Variants in KDM6A observed in about 807,000 individuals in gnomAD.
The protein encoded by KDM6A is lysine demethylase 6A, also known as lysine-specific demethylase 6A.
KDM6A carries 11 observed loss-of-function variants against 117.6 expected under a neutral mutation model. That is an observed-to-expected ratio of 0.09 (90% CI 0.06 to 0.15). KDM6A has a LOEUF of 0.15. KDM6A is among the 10% of genes least tolerant of loss of function. The pLI is 1.00. For synonymous variants in KDM6A, 384 were observed against 396.1 expected, an observed-to-expected ratio of 0.97 and a Z score of 0.36; for missense variants, 799 against 1,077.3, an observed-to-expected ratio of 0.74 and a Z score of 3.62.
chrX:45,049,247 C>G (rs1014913348), intron 8 of KDM6A, among the ~76,000 whole-genome samples: 1 of 111,975 alleles, frequency 8.9e-6, no homozygotes, highest in Admixed American at 9.4e-5. Flanking sequence ...GTTCTGATTT[C>G]TAGAGGAGTA....
At chrX:45,035,685 A>AATTATT (rs59024398) in intron 7 of KDM6A, among the ~76,000 whole-genome samples, 1 of 108,600 alleles carries the variant, frequency 9.2e-6, no homozygotes, top group Non-Finnish European at 1.9e-5. Context: ...TTGAAAAATA[A>AATTATT]ATTATTATTA....
Position 45,083,465 on chromosome X carries a change from A to G in KDM6A, c.3446A>G (p.Lys1149Arg), listed in dbSNP as rs1446396167. Residue 1149 changes from lysine (K) to arginine (R), a missense_variant, in exon 24 of 30, where the codon AAG (lysine) becomes AGG (arginine). This residue lies in a region of KDM6A where 291 missense variants were observed against 437.9 expected (regional missense o/e 0.66). Transcript: ENST00000611820. Reference sequence around the variant, plus strand: ...GATGTGTTATTTTATTGCAGGTGGAAGTTGCAGCTACATGAGCTGACTAAA... The same window carrying G: ...GATGTGTTATTTTATTGCAGGTGGAGGTTGCAGCTACATGAGCTGACTAAA... ...NIDLSDDKKW[K>R]LQLHELTKLP... 7 of 1,209,119 alleles carry G rather than the reference A, an allele frequency of 5.8e-6. No homozygotes were observed. Among genetic ancestry groups the G allele is most frequent in the Non-Finnish European group, 7.8e-6 (7 of 893,381 alleles).
intron 2 of KDM6A, among the ~76,000 whole-genome samples, chrX:44,941,403 C>T (rs1427030487): frequency 9.0e-6 from 1 of 110,598 alleles, no homozygotes; most frequent in Non-Finnish European, 1.9e-5. Context: ...TACTTCTGCC[C>T]TTTTCTTAGG....
chrX:45,048,992 A>C (rs933901856), intron 8 of KDM6A, among the ~76,000 whole-genome samples: 5 of 110,777 alleles, frequency 4.5e-5, no homozygotes, highest in African/African-American at 1.7e-4. Flanking sequence ...TTGCCCCCCA[A>C]CTTCTCCATA....
chrX:45,070,463 G>A, intron 18 of KDM6A, 106 bp downstream of exon 18: 1 of 704,878 alleles, frequency 1.4e-6, no homozygotes, highest in Non-Finnish European at 2.2e-6. Flanking sequence ...AAAAGATGGT[G>A]TAGTCATTCA....
chrX:44,947,391 A>ATTT (rs145856914), intron 2 of KDM6A, among the ~76,000 whole-genome samples: 10 of 98,423 alleles, frequency 1.0e-4, no homozygotes, highest in Admixed American at 6.6e-4. Context: ...AATAATCAGA[A>ATTT]TTTTTTTTTT....
At chrX:45,010,913 G>C (rs757167061) in intron 4 of KDM6A, 48 bp from the exon 5 acceptor site, 2 of 915,184 alleles carry the variant, frequency 2.2e-6, no homozygotes, top group Non-Finnish European at 3.2e-6. Context: ...CATCATATAT[G>C]TTAGATACAA....
At chrX:44,908,759 G>A (rs925697474) in intron 2 of KDM6A, among the ~76,000 whole-genome samples, 3 of 111,924 alleles carry the variant, frequency 2.7e-5, no homozygotes, top group African/African-American at 6.5e-5. Context: ...TGCAGATAAG[G>A]ATGTGACATG....
intron 4 of KDM6A, among the ~76,000 whole-genome samples, chrX:45,002,935 A>G (rs1159010353): frequency 2.1e-5 from 2 of 95,532 alleles, no homozygotes; most frequent in Non-Finnish European, 4.0e-5. Context: ...CTAAGGCCAC[A>G]AGATTAGAAG....
chrX:44,964,124 C>T (rs1490423012), intron 3 of KDM6A, among the ~76,000 whole-genome samples: 1 of 109,975 alleles, frequency 9.1e-6, no homozygotes, highest in Non-Finnish European at 1.9e-5. Context: ...CTATTTATGG[C>T]AGCTATATAG....
At chrX:45,057,426 T>C (rs956215312) in intron 10 of KDM6A, among the ~76,000 whole-genome samples, 10 of 111,612 alleles carry the variant, frequency 9.0e-5, no homozygotes, top group African/African-American at 3.3e-4. Flanking sequence ...ATCAATCTTT[T>C]GGTTTCTTGT....
At chrX:44,946,402 C>T (rs1367801854) in intron 2 of KDM6A, among the ~76,000 whole-genome samples, 1 of 111,905 alleles carries the variant, frequency 8.9e-6, no homozygotes, top group Non-Finnish European at 1.9e-5. Flanking sequence ...AGATTTTCCT[C>T]ATTAGTATTT....
intron 18 of KDM6A, among the ~76,000 whole-genome samples, chrX:45,071,563 A>T (rs1019959950): frequency 3.6e-5 from 4 of 111,545 alleles, no homozygotes; most frequent in African/African-American, 1.3e-4. Context: ...TTTATATATA[A>T]GTTTGCTGCT....
chrX:45,013,118 A>C (rs1221506606), intron 5 of KDM6A, among the ~76,000 whole-genome samples: 2 of 111,529 alleles, frequency 1.8e-5, no homozygotes, highest in Non-Finnish European at 3.8e-5. Flanking sequence ...TTAATTTTGT[A>C]GATGGAGAAA....
At chrX:45,037,505 G>A (rs2042868488) in intron 7 of KDM6A, 150 bp from the exon 8 acceptor site, 4 of 448,330 alleles carry the variant, frequency 8.9e-6, no homozygotes, top group East Asian at 7.6e-5. Flanking sequence ...TTCTATTTTA[G>A]TAAAAGCAAA....
intron 27 of KDM6A, among the ~76,000 whole-genome samples, chrX:45,092,285 C>CT (rs1362524847): frequency 9.0e-6 from 1 of 111,315 alleles, no homozygotes; most frequent in Non-Finnish European, 1.9e-5. Flanking sequence ...TATCTAACAG[C>CT]TATATAGACT....
At chrX:44,878,189 T>C (rs5952650) in intron 2 of KDM6A, among the ~76,000 whole-genome samples, 1,715 of 111,440 alleles carry the variant, frequency 0.015, 37 homozygotes, top group African/African-American at 0.053. Flanking sequence ...TGAGCATCCC[T>C]AATCTGAAAA....
At chrX:45,005,357 T>C (rs1159918210) in intron 4 of KDM6A, among the ~76,000 whole-genome samples, 2 of 110,838 alleles carry the variant, frequency 1.8e-5, no homozygotes, top group African/African-American at 6.6e-5. Flanking sequence ...GCATGAGAGC[T>C]GGCTCCTCTG....
chrX:45,096,012 G>T (rs1273267591), intron 27 of KDM6A, among the ~76,000 whole-genome samples: 1 of 111,201 alleles, frequency 9.0e-6, no homozygotes, highest in Non-Finnish European at 1.9e-5. Context: ...AATATGAACT[G>T]CAGTTTTTAC....
Sources: allele counts gnomAD v4.1 joint callset (sites outside exome capture counted in the v4.1 genomes callset), GRCh38; gene constraint gnomAD v4.1.1; regional missense constraint gnomAD v4.1.1; transcripts MANE v1.5; gene names NCBI Gene and HGNC (gene_info 2026-07-23, HGNC 2026-07-21).